PNLIPRP1: variants seen among roughly 807,000 people sequenced by gnomAD.
PNLIPRP1 encodes pancreatic lipase related protein 1.
Under a neutral mutation model 54.6 loss-of-function variants are expected in PNLIPRP1, and 57 were observed. That is an observed-to-expected ratio of 1.04 (90% CI 0.84 to 1.30). The LOEUF is 1.30. PNLIPRP1 is among the 50% of genes most tolerant of loss of function. The pLI, the probability that PNLIPRP1 is intolerant of heterozygous loss-of-function variation, is 0.00. For synonymous variants in PNLIPRP1, 232 were observed against 208.8 expected, an observed-to-expected ratio of 1.11 and a Z score of -0.96; for missense variants, 567 against 568.5, an observed-to-expected ratio of 1.00 and a Z score of 0.03.
intron 12 of PNLIPRP1, among the ~76,000 whole-genome samples, chr10:116,608,122 G>T (rs1353444048): frequency 6.6e-6 from 1 of 152,194 alleles, no homozygotes; most frequent in African/African-American, 2.4e-5. Context: ...TCCCAAAAGT[G>T]TGGGGATTAC....
chr10:116,602,814 T>C (rs1352944428), intron 10 of PNLIPRP1, among the ~76,000 whole-genome samples: 5 of 152,260 alleles, frequency 3.3e-5, no homozygotes, highest in African/African-American at 1.2e-4. Context: ...TATATGAGTC[T>C]GTATGTTTAT....
At chr10:116,602,119 CA>C (rs1554864882) in intron 10 of PNLIPRP1, among the ~76,000 whole-genome samples, 2 of 151,934 alleles carry the variant, frequency 1.3e-5, no homozygotes, top group Non-Finnish European at 2.9e-5. Flanking sequence ...GGGTTCACGC[CA>C]TTCTCCTGCC....
At chr10:116,602,161 G>A (rs924290647) in intron 10 of PNLIPRP1, among the ~76,000 whole-genome samples, 8 of 151,938 alleles carry the variant, frequency 5.3e-5, no homozygotes, top group African/African-American at 1.7e-4. Flanking sequence ...GACTACAGGC[G>A]CCCGCCACCA....
Position 116,596,218 on chromosome 10 carries a change from A to G in PNLIPRP1, c.470A>G (p.Glu157Gly). 6.2e-7 allele frequency: 1 copy of G among 1,605,326 alleles called. No homozygotes were observed. ...VAQMLDILLT[E>G]YSYPPSKVHL... ...AATACAATCTTCCCTCTCCAGACAG[A>G]GTATAGCTACCCCCCTTCCAAAGTT... The change falls in exon 6 of 13, where the codon GAG becomes GGG. Residue 157 changes from glutamate (E) to glycine (G), a missense_variant. Physicochemically the swap from Glu to Gly is moderately conservative, Grantham distance 98. Coordinates refer to ENST00000358834, the MANE Select transcript of PNLIPRP1 (RefSeq NM_006229.4).
chr10:116,604,327 T>G (rs1235091825), intron 11 of PNLIPRP1, among the ~76,000 whole-genome samples, 189 bp downstream of exon 11: 1 of 152,230 alleles, frequency 6.6e-6, no homozygotes, highest in Non-Finnish European at 1.5e-5. Flanking sequence ...TAATACCATA[T>G]TTTTACTGTA....
chr10:116,598,073 C>G lies in PNLIPRP1; in HGVS notation c.721C>G (p.His241Asp), dbSNP rs146924435. 6.9e-5 allele frequency: 112 copies of G among 1,613,964 alleles called. No individual in the cohort carries two copies. Among genetic ancestry groups the G allele is most frequent in the Non-Finnish European group, 8.3e-5 (98 of 1,180,020 alleles). ...LGFGTNQQMGHLDFFPNGGES... is the reference protein window; with the variant it reads ...LGFGTNQQMGDLDFFPNGGES... Reference sequence around the variant, plus strand: ...TTTTGGAACGAACCAACAGATGGGTCATCTTGACTTCTTCCCCAATGGAGG... The same window carrying G: ...TTTTGGAACGAACCAACAGATGGGTGATCTTGACTTCTTCCCCAATGGAGG... Residue 241 changes from histidine (H) to aspartate (D), a missense_variant, in exon 8 of 13, where the codon CAT becomes GAT. Transcript: ENST00000358834.
At position 116,591,698 on chromosome 10, in the gene PNLIPRP1, G is replaced by A. The variant is rs980675536; in HGVS notation, c.50-73G>A. The A allele has an allele frequency of 1.8e-5, 26 of 1,474,740 alleles. No individual in the cohort carries two copies. The African/African-American group carries it at 2.4e-4, about 13-fold the overall frequency. 91.4% of individuals were successfully genotyped at this position (1,474,740 alleles called of 1,614,324 possible). On this transcript the variant is annotated intron_variant, in intron 2 of 12. Transcript: ENST00000358834. ...TGTCCCTGAATAGAAGAGTGACCAG[G>A]CCCGAACAGCAGTGACACCCCAGAG...
chr10:116,592,693 T>A, intron 4 of PNLIPRP1, 152 bp downstream of exon 4: 1 of 928,828 alleles, frequency 1.1e-6, no homozygotes, highest in African/African-American at 1.6e-5. Flanking sequence ...TGCCTTTCCA[T>A]GTTTCCGCAC....
chr10:116,601,191 C>T lies in PNLIPRP1; in HGVS notation c.1053C>T (p.Ser351=), dbSNP rs992152840. The part of the protein sequence containing the change: ...QKFFLNTGEA[S]NFARWRYGVS... ...TCTTCTTGAACACAGGAGAGGCTAGCAATTTCGCTCGTAAGTTGCACTTTG... is the reference window on the plus strand; with the variant it reads ...TCTTCTTGAACACAGGAGAGGCTAGTAATTTCGCTCGTAAGTTGCACTTTG... The change falls in exon 10 of 13, where the codon AGC becomes AGT. Residue 351 remains serine, a synonymous_variant. Transcript: ENST00000358834. 1.2e-6 allele frequency: 2 copies of T among 1,612,538 alleles called. No homozygotes were observed. The highest frequency in any genetic ancestry group is 3.4e-5 in the Admixed American group (2 of 59,610).
At chr10:116,591,516 A>C (rs1423853493) in intron 2 of PNLIPRP1, among the ~76,000 whole-genome samples, 4 of 152,208 alleles carry the variant, frequency 2.6e-5, no homozygotes, top group African/African-American at 4.8e-5. Flanking sequence ...TGGGACTTAG[A>C]ACTTTCCAGT....
chr10:116,606,674 A>G (rs1157652924), intron 12 of PNLIPRP1, among the ~76,000 whole-genome samples: 3 of 152,172 alleles, frequency 2.0e-5, no homozygotes, highest in African/African-American at 7.2e-5. Context: ...CTCACAGGTA[A>G]GGCATACAAG....
At chr10:116,604,912 C>T (rs1298624130) in intron 11 of PNLIPRP1, among the ~76,000 whole-genome samples, 5 of 151,978 alleles carry the variant, frequency 3.3e-5, no homozygotes, top group African/African-American at 9.7e-5. Flanking sequence ...AGGCTGGTCT[C>T]GAACTTCTGA....
Position 116,604,069 on chromosome 10 carries a change from C to T in PNLIPRP1, c.1103C>T (p.Thr368Ile), listed in dbSNP as rs1554865189. Residue 368 changes from threonine to isoleucine, a missense_variant, in exon 11 of 13, where the codon ACA (threonine) becomes ATA (isoleucine). Transcript: ENST00000358834. ...GTTTCCATCACACTGTCTGGAAGAA[C>T]AGCCACTGGTCAGATCAAAGTTGCT... The part of the protein sequence containing the change: ...YGVSITLSGR[T>I]ATGQIKVALF... 28 of 1,613,676 alleles carry T rather than the reference C, an allele frequency of 1.7e-5. No homozygotes were observed. Among genetic ancestry groups the T allele is most frequent in the African/African-American group, 2.7e-5 (2 of 75,012 alleles).
intron 4 of PNLIPRP1, 192 bp downstream of exon 4, chr10:116,592,733 G>A: frequency 1.4e-6 from 1 of 718,892 alleles, no homozygotes; most frequent in Non-Finnish European, 2.4e-6. Context: ...AACCACATTT[G>A]CTGTTAGAAA....
chr10:116,601,201 C>G lies in PNLIPRP1; in HGVS notation c.1063C>G (p.Arg355Gly), dbSNP rs782060472. 9 of 1,611,610 alleles carry G rather than the reference C, an allele frequency of 5.6e-6. No individual in the cohort carries two copies. The highest frequency in any genetic ancestry group is 7.6e-6 in the Non-Finnish European group (9 of 1,179,264). ...CACAGGAGAGGCTAGCAATTTCGCT[C>G]GTAAGTTGCACTTTGACTACCTGCC... ...LNTGEASNFARWRYGVSITLS... is the reference protein window; with the variant it reads ...LNTGEASNFAGWRYGVSITLS... The change falls in exon 10 of 13, where the codon CGC becomes GGC. Residue 355 changes from arginine to glycine, a missense_variant and splice_region_variant. Transcript: ENST00000358834.
intron 2 of PNLIPRP1, 116 bp from the exon 3 acceptor site, chr10:116,591,655 C>T: frequency 9.6e-7 from 1 of 1,038,676 alleles, no homozygotes; most frequent in Non-Finnish European, 1.4e-6. Flanking sequence ...GCAGTAGGTT[C>T]ATCCATTGTC....
intron 10 of PNLIPRP1, among the ~76,000 whole-genome samples, chr10:116,602,888 T>A (rs1847871127): frequency 6.6e-6 from 1 of 152,092 alleles, no homozygotes; most frequent in African/African-American, 2.4e-5. Context: ...CGTGGTTAAA[T>A]GTGTGTAGGT....
intron 4 of PNLIPRP1, 160 bp downstream of exon 4, chr10:116,592,701 C>A: frequency 1.1e-6 from 1 of 870,758 alleles, no homozygotes; most frequent in Non-Finnish European, 1.8e-6. Flanking sequence ...CATGTTTCCG[C>A]ACTACATCTG....
In PNLIPRP1 at chr10:116,599,212, G is replaced by A. The variant is rs544831301; in HGVS notation, c.815-835G>A. 8.4e-5 allele frequency among the ~76,000 whole-genome samples: 12 copies of A among 143,450 alleles called. No individual in the cohort carries two copies. In the South Asian group the frequency reaches 2.7e-3, roughly 32 times the overall value. 94.1% of individuals were successfully genotyped at this position (143,450 alleles called of 152,430 possible). ...AAAGGTTGCAGTGAGCCGAGACCAT[G>A]CCATTGCACCACAGCCTGGGCAACA... On this transcript the variant is annotated intron_variant, in intron 8 of 12. Coordinates refer to ENST00000358834, the MANE Select transcript of PNLIPRP1 (RefSeq NM_006229.4).
Sources: gnomAD v4.1 joint callset for allele counts (sites outside exome capture counted in the v4.1 genomes callset) on GRCh38, gnomAD v4.1.1 for gene constraint, MANE v1.5 for transcripts, NCBI Gene and HGNC (gene_info 2026-07-23, HGNC 2026-07-21) for gene names.